The following PRRT2 variants were observed in gnomAD, a reference collection of about 807,000 sequenced individuals.
The protein encoded by PRRT2 is proline-rich transmembrane protein 2.
In PRRT2, 9 loss-of-function variants were observed where a neutral mutation model predicts 24.7. That is an observed-to-expected ratio of 0.36 (90% CI 0.22 to 0.64). PRRT2 has a LOEUF of 0.64. PRRT2 is among the 30% of genes least tolerant of loss of function. The pLI, the probability that PRRT2 is intolerant of heterozygous loss-of-function variation, is 0.65. For missense variants in PRRT2, 460 were observed against 435.0 expected, an observed-to-expected ratio of 1.06 and a Z score of -0.51; for synonymous variants, 195 against 175.5, an observed-to-expected ratio of 1.11 and a Z score of -0.88.
intron 1 of PRRT2, 78 bp from the exon 2 acceptor site, chr16:29,812,912 G>A: frequency 1.1e-6 from 1 of 870,910 alleles, no homozygotes; most frequent in Non-Finnish European, 1.8e-6. Flanking sequence ...CCCTGAGACA[G>A]GAATGTGGCC....
In PRRT2 at chr16:29,814,429, C is replaced by G. The variant is rs1900142681; in HGVS notation, c.976C>G (p.Leu326Val). The G allele has an allele frequency of 1.9e-6, 3 of 1,606,392 alleles. No individual in the cohort carries two copies. Among genetic ancestry groups the G allele is most frequent in the South Asian group, 1.1e-5 (1 of 90,084 alleles). The stretch of plus-strand genomic sequence containing the variant: ...CATCGTGGCGCTGGTGGGGGGAGTC[C>G]TCATCATCATCGCCTCCTGCGTCAT... ...LSIVALVGGVLIIIASCVINL... is the reference protein window; with the variant it reads ...LSIVALVGGVVIIIASCVINL... Residue 326 changes from leucine to valine, a missense_variant, in exon 3 of 4, where the codon CTC becomes GTC. Around this residue, in one of 3 missense-constraint regions of PRRT2, gnomAD observed 64 missense variants for 71.2 expected, o/e 0.90. Transcript: ENST00000358758. This position sits in a 1 kb window ranked among gnomAD's most constrained non-coding sequence, Gnocchi z 4.1.
chr16:29,815,099 T>G lies in PRRT2; in HGVS notation c.*461T>G. ...CTCTCAACCCTCAGTCCTCTCTTCC[T>G]TCCCTTCTTTATCATCTCCCCTTTC... On this transcript the variant is annotated 3_prime_UTR_variant, in exon 4 of 4. Transcript: ENST00000358758. 1 of 167,528 alleles carries G rather than the reference T, an allele frequency of 6.0e-6. No homozygotes were observed. The highest frequency in any genetic ancestry group is 1.3e-5 in the Non-Finnish European group (1 of 77,880). The allele number at this position is 167,528 out of a possible 1,614,324, so 10.4% of individuals were successfully genotyped here.
At position 29,813,591 on chromosome 16, in the gene PRRT2, A is replaced by G; in HGVS notation, c.537A>G (p.Gln179=). ...TGTCTGAGAGTGTAGGGGAAAAGCA[A>G]GAGAATGGGGCAGTGGTGCCCCTGC... ...EILSESVGEK[Q]ENGAVVPLQA... Residue 179 remains glutamine (Q), a synonymous_variant, in exon 2 of 4, where the codon CAA becomes CAG. Coordinates refer to ENST00000358758, the MANE Select transcript of PRRT2 (RefSeq NM_145239.3). 1 of 1,613,620 alleles carries G rather than the reference A, an allele frequency of 6.2e-7. No homozygotes were observed. The highest frequency in any genetic ancestry group is 8.5e-7 in the Non-Finnish European group (1 of 1,179,794).
In PRRT2 at chr16:29,813,750, C is replaced by G. The variant is rs570108715; in HGVS notation, c.696C>G (p.His232Gln). The G allele has an allele frequency of 3.8e-6, 6 of 1,589,268 alleles. No homozygotes were observed. Among genetic ancestry groups the G allele is most frequent in the Non-Finnish European group, 4.3e-6 (5 of 1,167,294 alleles). ...AGGAGGATCGAATGAGAAGGGCACA[C>G]AGTGGGCATCCAGGATCTCCCCGAG... is the stretch of plus-strand genomic sequence containing the variant. ...LVEEDRMRRA[H>Q]SGHPGSPRGS... is the part of the protein sequence containing the mutation. The change falls in exon 2 of 4, where the codon CAC becomes CAG. Residue 232 changes from histidine (H) to glutamine (Q), a missense_variant. This residue lies in a region of PRRT2 where 378 missense variants were observed against 324.6 expected (regional missense o/e 1.16). Coordinates refer to ENST00000358758, the MANE Select transcript of PRRT2 (RefSeq NM_145239.3).
chr16:29,812,626 G>T (rs1190424978), intron 1 of PRRT2, among the ~76,000 whole-genome samples: 1 of 152,130 alleles, frequency 6.6e-6, no homozygotes, highest in Non-Finnish European at 1.5e-5. Context: ...AGAGGGAGTG[G>T]AATGCGAATG....
chr16:29,813,532 C>T lies in PRRT2; in HGVS notation c.478C>T (p.Leu160Phe), dbSNP rs1333356742. 1 of 1,613,708 alleles carries T rather than the reference C, an allele frequency of 6.2e-7. No individual in the cohort carries two copies. Among genetic ancestry groups the T allele is most frequent in the East Asian group, 2.2e-5 (1 of 44,878 alleles). ...PTPKPALQPE[L>F]PTQEDPTPEI... is the part of the protein sequence containing the mutation. ...CCCCAAGCCAGCCCTTCAACCAGAG[C>T]TCCCTACCCAGGAGGACCCCACCCC... is the stretch of plus-strand genomic sequence containing the variant. The change falls in exon 2 of 4, where the codon CTC becomes TTC. Residue 160 changes from leucine to phenylalanine, a missense_variant. This residue lies in a region of PRRT2 where 378 missense variants were observed against 324.6 expected (regional missense o/e 1.16). Coordinates refer to ENST00000358758, the MANE Select transcript of PRRT2 (RefSeq NM_145239.3).
At position 29,815,770 on chromosome 16, in the gene PRRT2, A is replaced by G. The variant is rs1221006924; in HGVS notation, c.*1132A>G. 6.8e-6 allele frequency: 1 copy of G among 146,466 alleles called. No homozygotes were observed. Among genetic ancestry groups the G allele is most frequent in the East Asian group, 2.0e-4 (1 of 5,104 alleles). 9.1% of individuals were successfully genotyped at this position (146,466 alleles called of 1,614,324 possible). On this transcript the variant is annotated 3_prime_UTR_variant, in exon 4 of 4. Transcript: ENST00000358758. ...AAAAAAAGTCTGGGGGAAGAAAAAA[A>G]CTAAAATTCTTAAAAAAAAAAAAAA...
chr16:29,812,336 C>A lies in PRRT2; in HGVS notation c.-66+13C>A, dbSNP rs1900016763. On this transcript the variant is annotated intron_variant, in intron 1 of 3. Transcript: ENST00000358758. ...GGCCGGCGTCGAGGTGAGACCCGGG[C>A]AGACTGAGGCTGCGGGTAGGAGTGG... 1 of 155,114 alleles carries A rather than the reference C, an allele frequency of 6.4e-6. No individual in the cohort carries two copies. Among genetic ancestry groups the A allele is most frequent in the African/African-American group, 2.4e-5 (1 of 41,472 alleles). The allele number at this position is 155,114 out of a possible 1,614,324, so 9.6% of individuals were successfully genotyped here.
chr16:29,814,477 C>A lies in PRRT2; in HGVS notation c.1012+12C>A. 1 of 1,604,246 alleles carries A rather than the reference C, an allele frequency of 6.2e-7. No homozygotes were observed. Among genetic ancestry groups the A allele is most frequent in the South Asian group, 1.1e-5 (1 of 89,750 alleles). ...CATCAACTTAGGCGGTGAGTGGGGG[C>A]TTGGGACAGGCAGGGGAGGAATGGA... is the stretch of plus-strand genomic sequence containing the variant. On this transcript the variant is annotated intron_variant, in intron 3 of 3. Transcript: ENST00000358758. The surrounding 1 kb of genome is among the most constrained non-coding windows in gnomAD (Gnocchi z 4.1).
rs1189141263 is a variant in PRRT2 at position 29,814,250 on chromosome 16, T to G, written c.880-83T>G. ...CTATGGGGCTGGCCTCTCTCTCTTC[T>G]GGATGACTTTTCCACCTGATCCCTT... On this transcript the variant is annotated intron_variant, in intron 2 of 3. Transcript: ENST00000358758. The surrounding 1 kb of genome is among the most constrained non-coding windows in gnomAD (Gnocchi z 4.1). 6.6e-7 allele frequency: 1 copy of G among 1,504,350 alleles called. No homozygotes were observed. The highest frequency in any genetic ancestry group is 8.8e-7 in the Non-Finnish European group (1 of 1,136,048). The allele number at this position is 1,504,350 out of a possible 1,614,324, so 93.2% of individuals were successfully genotyped here.
At position 29,813,227 on chromosome 16, in the gene PRRT2, C is replaced by G. The variant is rs1567378768; in HGVS notation, c.173C>G (p.Pro58Arg). The G allele has an allele frequency of 1.9e-6, 3 of 1,614,000 alleles. No homozygotes were observed. Among genetic ancestry groups the G allele is most frequent in the Admixed American group, 1.7e-5 (1 of 60,024 alleles). ...CCAGGTCCAAACACCACTGCGGCCC[C>G]TGTGGACTCAGGGCCCAAGGCTGGG... ...PQPGPNTTAA[P>R]VDSGPKAGLA... Residue 58 changes from proline to arginine, a missense_variant, in exon 2 of 4, where the codon CCT becomes CGT. Transcript: ENST00000358758.
Position 29,814,299 on chromosome 16 carries a change from G to C in PRRT2, c.880-34G>C, listed in dbSNP as rs1239450803. 6.4e-7 allele frequency: 1 copy of C among 1,558,114 alleles called. No homozygotes were observed. Among genetic ancestry groups the C allele is most frequent in the East Asian group, 2.2e-5 (1 of 44,574 alleles). ...TTCTGGGCTGGCTTCTCCTGACCCC[G>C]GCTATGTGCCTCCACCCCTCGCCCT... is the stretch of plus-strand genomic sequence containing the variant. On this transcript the variant is annotated intron_variant, in intron 2 of 3. Coordinates refer to ENST00000358758, the MANE Select transcript of PRRT2 (RefSeq NM_145239.3). The surrounding 1 kb of genome is among the most constrained non-coding windows in gnomAD (Gnocchi z 4.1).
In PRRT2 at chr16:29,814,624, A is replaced by G. The variant is rs1596894991; in HGVS notation, c.1013-4A>G. 1.9e-6 allele frequency: 3 copies of G among 1,597,042 alleles called. No homozygotes were observed. In the East Asian group the frequency reaches 6.8e-5, roughly 36 times the overall value. On this transcript the variant is annotated splice_polypyrimidine_tract_variant and splice_region_variant and intron_variant, in intron 3 of 3. Transcript: ENST00000358758. This position sits in a 1 kb window ranked among gnomAD's most constrained non-coding sequence, Gnocchi z 4.1. ...CGTCTGTCCTTCCCTCTCCTCTCCCACAGTGTATAAGTGAGGGGCTCTGCC... is the reference window on the plus strand; with the variant it reads ...CGTCTGTCCTTCCCTCTCCTCTCCCGCAGTGTATAAGTGAGGGGCTCTGCC...
At position 29,814,809 on chromosome 16, in the gene PRRT2, C is replaced by T. The variant is rs939587943; in HGVS notation, c.*171C>T. The stretch of plus-strand genomic sequence containing the variant: ...TCCTGCTCCTGCATCTTGCCAGGCT[C>T]CTCTGCCAACTGTAGGCCTGCCTCA... On this transcript the variant is annotated 3_prime_UTR_variant, in exon 4 of 4. Coordinates refer to ENST00000358758, the MANE Select transcript of PRRT2 (RefSeq NM_145239.3). The surrounding 1 kb of genome is among the most constrained non-coding windows in gnomAD (Gnocchi z 4.1). 1.5e-6 allele frequency: 1 copy of T among 678,200 alleles called. No homozygotes were observed. The highest frequency in any genetic ancestry group is 2.5e-6 in the Non-Finnish European group (1 of 405,686). The allele number at this position is 678,200 out of a possible 1,614,324, so 42.0% of individuals were successfully genotyped here.
At chr16:29,812,880 C>T (rs1206071348) in intron 1 of PRRT2, 110 bp from the exon 2 acceptor site, 5 of 666,192 alleles carry the variant, frequency 7.5e-6, no homozygotes, top group Non-Finnish European at 1.3e-5. Flanking sequence ...TCTTCCTCTC[C>T]CTAGAGGCAG....
In PRRT2 at chr16:29,813,927, T is replaced by C. The variant is rs1567380170; in HGVS notation, c.873T>C (p.Ala291=). Residue 291 remains alanine (A), a synonymous_variant, in exon 2 of 4, where the codon GCT becomes GCC. Transcript: ENST00000358758. The stretch of plus-strand genomic sequence containing the variant: ...TCAACATCGTGGCCTTCGCTTATGC[T>C]GTCATGGTGAGCCCCATGGGACCCT... ...WPVNIVAFAY[A]VMSRNSLQQG... is the part of the protein sequence containing the mutation. 6.3e-6 allele frequency: 10 copies of C among 1,588,040 alleles called. No homozygotes were observed. The highest frequency in any genetic ancestry group is 8.6e-6 in the Non-Finnish European group (10 of 1,166,462).
In PRRT2 at chr16:29,815,192, T is replaced by G; in HGVS notation, c.*554T>G. 1 of 155,022 alleles carries G rather than the reference T, an allele frequency of 6.5e-6. No individual in the cohort carries two copies. The allele number at this position is 155,022 out of a possible 1,614,324, so 9.6% of individuals were successfully genotyped here. A position where few individuals can be genotyped will look rare whatever the true frequency, so the allele number is the denominator to read the frequency against. On this transcript the variant is annotated 3_prime_UTR_variant, in exon 4 of 4. Coordinates refer to ENST00000358758, the MANE Select transcript of PRRT2 (RefSeq NM_145239.3). The stretch of plus-strand genomic sequence containing the variant: ...CCCTTAAGCATCCTCTTCTCCAACC[T>G]CCCGTCACCGTTTACTCTGCAAAAT...
Position 29,813,580 on chromosome 16 carries a change from G to A in PRRT2, c.526G>A (p.Gly176Arg). 1.2e-6 allele frequency: 2 copies of A among 1,613,730 alleles called. No individual in the cohort carries two copies. The highest frequency in any genetic ancestry group is 1.7e-6 in the Non-Finnish European group (2 of 1,179,826). ...CCCTGAGATTCTGTCTGAGAGTGTA[G>A]GGGAAAAGCAAGAGAATGGGGCAGT... Reference protein sequence around the residue: ...PTPEILSESVGEKQENGAVVP... With the variant: ...PTPEILSESVREKQENGAVVP... The change falls in exon 2 of 4, where the codon GGG becomes AGG. Residue 176 changes from glycine (G) to arginine (R), a missense_variant. Around this residue, in one of 3 missense-constraint regions of PRRT2, gnomAD observed 378 missense variants for 324.6 expected, o/e 1.16. Transcript: ENST00000358758.
At position 29,814,698 on chromosome 16, in the gene PRRT2, C is replaced by T; in HGVS notation, c.*60C>T. 6.4e-7 allele frequency: 1 copy of T among 1,557,018 alleles called. No homozygotes were observed. The highest frequency in any genetic ancestry group is 8.7e-7 in the Non-Finnish European group (1 of 1,153,124). On this transcript the variant is annotated 3_prime_UTR_variant, in exon 4 of 4. Coordinates refer to ENST00000358758, the MANE Select transcript of PRRT2 (RefSeq NM_145239.3). The surrounding 1 kb of genome is among the most constrained non-coding windows in gnomAD (Gnocchi z 4.1). Reference sequence around the variant, plus strand: ...TGTTGGGAGCTGCCTTGGGCCCATCCCTCCCCTGGGGGGAGCCCAACTGAT... The same window carrying T: ...TGTTGGGAGCTGCCTTGGGCCCATCTCTCCCCTGGGGGGAGCCCAACTGAT...
Sources: gnomAD v4.1 joint callset for allele counts (sites outside exome capture counted in the v4.1 genomes callset) on GRCh38, gnomAD v4.1.1 for gene constraint, gnomAD v4.1.1 regional missense constraint, Gnocchi (gnomAD v3.1) non-coding constraint, MANE v1.5 for transcripts, NCBI Gene and HGNC (gene_info 2026-07-23, HGNC 2026-07-21) for gene names.